The following BNC2 variants were observed in gnomAD, a reference collection of about 807,000 sequenced individuals.
BNC2 encodes basonuclin zinc finger protein 2.
In BNC2, 20 loss-of-function variants were observed where a neutral mutation model predicts 76.3. The ratio of observed to expected loss-of-function variants is 0.26; its 90% CI spans 0.18 to 0.38. The LOEUF (loss-of-function observed/expected upper bound fraction) is 0.38, where lower values mean the gene tolerates loss of function less well. Among genes scored for constraint, BNC2 ranks in the 10% least tolerant of loss-of-function variants. The pLI is 1.00. For synonymous variants in BNC2, 582 were observed against 514.8 expected, an observed-to-expected ratio of 1.13 and a Z score of -1.77; for missense variants, 1,382 against 1,399.8, an observed-to-expected ratio of 0.99 and a Z score of 0.20.
At chr9:16,760,371 G>C (rs940747665) in intron 1 of BNC2, among the ~76,000 whole-genome samples, 1 of 152,168 alleles carries the variant, frequency 6.6e-6, no homozygotes, top group African/African-American at 2.4e-5. Context: ...TTCAATAGGG[G>C]TGAAAAAATT....
chr9:16,648,655 C>G (rs1372721910), intron 3 of BNC2, among the ~76,000 whole-genome samples: 1 of 152,180 alleles, frequency 6.6e-6, no homozygotes, highest in Non-Finnish European at 1.5e-5. Context: ...GTTAATGAGG[C>G]TCCATCAAAT....
intron 3 of BNC2, among the ~76,000 whole-genome samples, chr9:16,699,815 G>T (rs1048463166): frequency 2.6e-5 from 4 of 152,144 alleles, no homozygotes; most frequent in African/African-American, 9.7e-5. Context: ...AAAAAGTCTG[G>T]ACTCTTCTCA....
intron 1 of BNC2, among the ~76,000 whole-genome samples, chr9:16,861,153 G>A (rs1819397447): frequency 7.1e-6 from 1 of 141,158 alleles, no homozygotes; most frequent in Admixed American, 7.2e-5. Context: ...ACCAGGCTGG[G>A]CAACATGGTA....
At chr9:16,692,719 G>A (rs1463445333) in intron 3 of BNC2, among the ~76,000 whole-genome samples, 1 of 152,136 alleles carries the variant, frequency 6.6e-6, no homozygotes, top group Admixed American at 6.6e-5. Context: ...AGAGTCACTT[G>A]GTCTCACTTA....
intron 6 of BNC2, among the ~76,000 whole-genome samples, chr9:16,432,823 T>C (rs1338031156): frequency 6.6e-6 from 1 of 152,182 alleles, no homozygotes; most frequent in Non-Finnish European, 1.5e-5. Context: ...AGAAAACTTG[T>C]CTTAGCTTCA....
intron 3 of BNC2, chr9:16,685,626 A>T: frequency 7.7e-7 from 1 of 1,304,242 alleles, no homozygotes; most frequent in Non-Finnish European, 1.0e-6. Flanking sequence ...ATGCCAATGG[A>T]ACCTGAGGGA....
chr9:16,691,613 G>A lies in BNC2; in HGVS notation c.330+36184C>T, dbSNP rs534144034. On this transcript the variant is annotated intron_variant, in intron 3 of 6. Coordinates refer to ENST00000380672, the MANE Select transcript of BNC2 (RefSeq NM_017637.6). ...AAAGCTGTGCCTCCTGGGTTCAAGC[G>A]ATTCTTCTGCCTCAGCCTCCCGAGT... is the stretch of plus-strand genomic sequence containing the variant. Among the ~76,000 whole-genome samples the A allele has an allele frequency of 1.6e-4, 24 of 149,520 alleles. No individual in the cohort carries two copies. The South Asian group carries it at 4.0e-3, about 25-fold the overall frequency.
chr9:16,518,535 A>T (rs1317851848), intron 5 of BNC2, among the ~76,000 whole-genome samples: 3 of 152,178 alleles, frequency 2.0e-5, no homozygotes. Flanking sequence ...TCTCTGTTAC[A>T]TGAGATTTGG....
intron 3 of BNC2, chr9:16,664,929 G>T (rs1822225054): frequency 3.9e-6 from 1 of 257,538 alleles, no homozygotes; most frequent in African/African-American, 3.0e-5. Context: ...AGAATATAGT[G>T]AATCTTAAAT....
rs113973484 is a variant in BNC2 at position 16,646,349 on chromosome 9, T to C, written c.331-63264A>G. Among the ~76,000 whole-genome samples, 448 of 152,306 alleles carry C rather than the reference T, an allele frequency of 2.9e-3. 6 individuals carry two copies. Among genetic ancestry groups the C allele is most frequent in the African/African-American group, 0.01 (419 of 41,576 alleles). On this transcript the variant is annotated intron_variant, in intron 3 of 6. Transcript: ENST00000380672. The stretch of plus-strand genomic sequence containing the variant: ...GCAATTTTAAGATGTCTCCACTATA[T>C]AGAAACAACTCATAAAATATGTCTA...
intron 1 of BNC2, among the ~76,000 whole-genome samples, chr9:16,868,808 GTGTT>G (rs982606224): frequency 2.1e-4 from 32 of 152,178 alleles, no homozygotes; most frequent in Non-Finnish European, 4.1e-4. Context: ...GTGTGTGTGT[GTGTT>G]TGTCCAAAAA....
intron 3 of BNC2, among the ~76,000 whole-genome samples, chr9:16,723,433 C>T (rs1479358018): frequency 6.6e-6 from 1 of 151,404 alleles, no homozygotes; most frequent in Non-Finnish European, 1.5e-5. Context: ...TACAACTAGG[C>T]GTCTGACTTG....
intron 5 of BNC2, among the ~76,000 whole-genome samples, chr9:16,531,893 G>A (rs1283190823): frequency 6.6e-6 from 1 of 151,946 alleles, no homozygotes; most frequent in Non-Finnish European, 1.5e-5. Context: ...TAGTAATATA[G>A]GAAGGAGCTC....
At chr9:16,797,025 G>C (rs1290427523) in intron 1 of BNC2, among the ~76,000 whole-genome samples, 1 of 152,110 alleles carries the variant, frequency 6.6e-6, no homozygotes, top group Non-Finnish European at 1.5e-5. Context: ...CACAAAATAT[G>C]GTGTTGGTAG....
intron 3 of BNC2, among the ~76,000 whole-genome samples, chr9:16,705,546 C>G (rs981974654): frequency 7.9e-5 from 12 of 152,202 alleles, no homozygotes; most frequent in Non-Finnish European, 1.8e-4. Flanking sequence ...TCTCAACAGG[C>G]TCTTGGGCAG....
In BNC2 at chr9:16,762,083, A is replaced by G. The variant is rs568413946; in HGVS notation, c.4-23598T>C. On this transcript the variant is annotated intron_variant, in intron 1 of 6. Transcript: ENST00000380672. Reference sequence around the variant, plus strand: ...AAAGGACAGGGTAGGTTACTTTAGAATAGTGATATTTGTGAGATCAAAAGA... The same window carrying G: ...AAAGGACAGGGTAGGTTACTTTAGAGTAGTGATATTTGTGAGATCAAAAGA... 2.0e-5 allele frequency among the ~76,000 whole-genome samples: 3 copies of G among 152,316 alleles called. No homozygotes were observed. The South Asian group carries it at 6.2e-4, about 32-fold the overall frequency.
chr9:16,546,409 C>G (rs1416643496), intron 5 of BNC2, among the ~76,000 whole-genome samples: 1 of 152,192 alleles, frequency 6.6e-6, no homozygotes, highest in African/African-American at 2.4e-5. Flanking sequence ...CCAGGAAAGA[C>G]TACTTCATCT....
At chr9:16,495,911 CTT>C (rs61004769) in intron 5 of BNC2, among the ~76,000 whole-genome samples, 17 of 142,802 alleles carry the variant, frequency 1.2e-4, no homozygotes, top group African/African-American at 2.3e-4. Context: ...TTTTCTTTTT[CTT>C]TTTTTTTTTT....
rs980723325 is a variant in BNC2, at chr9:16,421,104, A to G, written c.2640-1455T>C. Among the ~76,000 whole-genome samples, 6 of 152,160 alleles carry G rather than the reference A, an allele frequency of 3.9e-5. 1 individual carries two copies. The highest frequency in any genetic ancestry group is 8.8e-5 in the Non-Finnish European group (6 of 68,032). On this transcript the variant is annotated intron_variant, in intron 6 of 6. Transcript: ENST00000380672. ...TTCCATTTGGTGACAAACGTGGGTG[A>G]TATTTCCTAGAGATGGTTGAGAGGT...
Sources: allele counts gnomAD v4.1 joint callset (sites outside exome capture counted in the v4.1 genomes callset), GRCh38; gene constraint gnomAD v4.1.1; transcripts MANE v1.5; gene names NCBI Gene and HGNC (gene_info 2026-07-23, HGNC 2026-07-21).